GRM5: variants seen among roughly 807,000 people sequenced by gnomAD.
GRM5 encodes the protein metabotropic glutamate receptor 5.
Under a neutral mutation model 83.1 loss-of-function variants are expected in GRM5, and 19 were observed. The observed-to-expected ratio is 0.23, with a 90% CI of 0.16 to 0.34. GRM5 has a LOEUF of 0.34. Among genes scored for constraint, GRM5 ranks in the 10% least tolerant of loss-of-function variants. The probability of loss-of-function intolerance (pLI) is 1.00; values close to 1 mark genes in which losing one functional copy is unlikely to be tolerated. For synonymous variants in GRM5, 675 were observed against 633.6 expected (o/e 1.07, Z -0.98); for missense variants, 1,160 against 1,588.3 (o/e 0.73, Z 4.58).
At chr11:88,724,363 T>C (rs1005193706) in intron 3 of GRM5, among the ~76,000 whole-genome samples, 3 of 152,178 alleles carry the variant, frequency 2.0e-5, no homozygotes, top group African/African-American at 7.2e-5. Flanking sequence ...GCTTACACTG[T>C]GTCCTAAAGT....
At chr11:88,983,804 C>A (rs1019294031) in intron 2 of GRM5, among the ~76,000 whole-genome samples, 1 of 151,904 alleles carries the variant, frequency 6.6e-6, no homozygotes, top group African/African-American at 2.4e-5. Context: ...GGAGGTAATG[C>A]CCCCATGCAC....
intron 4 of GRM5, among the ~76,000 whole-genome samples, chr11:88,635,249 C>T (rs550759697): frequency 2.6e-4 from 39 of 152,258 alleles, no homozygotes; most frequent in African/African-American, 8.9e-4. Context: ...AAACTCCATC[C>T]TATTTTCCAT....
At chr11:88,838,756 A>G (rs1944139130) in intron 3 of GRM5, among the ~76,000 whole-genome samples, 1 of 152,146 alleles carries the variant, frequency 6.6e-6, no homozygotes, top group African/African-American at 2.4e-5. Flanking sequence ...TTTATAACAG[A>G]TGGAGTAATA....
At chr11:89,001,812 A>G (rs1940391645) in intron 2 of GRM5, among the ~76,000 whole-genome samples, 1 of 152,200 alleles carries the variant, frequency 6.6e-6, no homozygotes, top group African/African-American at 2.4e-5. Flanking sequence ...AACCTGGCTT[A>G]TTAAAAATGT....
At chr11:88,865,926 T>C (rs556038443) in intron 2 of GRM5, among the ~76,000 whole-genome samples, 2 of 152,144 alleles carry the variant, frequency 1.3e-5, no homozygotes, top group East Asian at 3.9e-4. Context: ...GGAGAGGATG[T>C]GGAGAAATAG....
intron 8 of GRM5, among the ~76,000 whole-genome samples, chr11:88,559,111 AT>A (rs1565338380): frequency 6.6e-6 from 1 of 152,196 alleles, no homozygotes; most frequent in Non-Finnish European, 1.5e-5. Context: ...CTATACAAAT[AT>A]TTGAAAATCA....
chr11:88,647,294 G>T (rs932502036), intron 4 of GRM5, among the ~76,000 whole-genome samples: 1 of 152,014 alleles, frequency 6.6e-6, no homozygotes. Context: ...GACATGAATT[G>T]AGGAAAAGGT....
chr11:88,989,576 C>A lies in GRM5; in HGVS notation c.661+57636G>T, dbSNP rs574234094. On this transcript the variant is annotated intron_variant, in intron 2 of 9. Transcript: ENST00000305447. ...AATATACATTTTTTTCAGCACCACA[C>A]CACACCTATTCCAAAATTGACCACA... is the stretch of plus-strand genomic sequence containing the variant. Among the ~76,000 whole-genome samples, 699 of 137,794 alleles carry A rather than the reference C, an allele frequency of 5.1e-3. 9 individuals are homozygous for A. Among genetic ancestry groups the A allele is most frequent in the African/African-American group, 0.019 (656 of 34,956 alleles). 90.4% of individuals were successfully genotyped at this position (137,794 alleles called of 152,430 possible).
intron 3 of GRM5, among the ~76,000 whole-genome samples, chr11:88,816,695 A>T (rs181148254): frequency 5.1e-4 from 77 of 149,806 alleles, no homozygotes; most frequent in Non-Finnish European, 9.5e-4. Context: ...CAAAAAAGCT[A>T]GTTATTTGAG....
intron 3 of GRM5, among the ~76,000 whole-genome samples, chr11:88,705,981 T>A (rs1047819800): frequency 6.6e-6 from 1 of 152,036 alleles, no homozygotes; most frequent in Non-Finnish European, 1.5e-5. Context: ...ACCCTAAGTG[T>A]TAGATTATCA....
At chr11:88,534,899 A>G (rs1942099697) in intron 8 of GRM5, among the ~76,000 whole-genome samples, 1 of 152,170 alleles carries the variant, frequency 6.6e-6, no homozygotes, top group African/African-American at 2.4e-5. Context: ...AAGTCTCACA[A>G]GAGCTGATGG....
intron 2 of GRM5, among the ~76,000 whole-genome samples, chr11:88,862,927 C>A (rs570444188): frequency 6.6e-6 from 1 of 152,140 alleles, no homozygotes; most frequent in Admixed American, 6.6e-5. Flanking sequence ...AAGAAAAAAA[C>A]AACCCTATTA....
chr11:88,888,004 C>G (rs1051895235), intron 2 of GRM5, among the ~76,000 whole-genome samples: 1 of 152,062 alleles, frequency 6.6e-6, no homozygotes, highest in African/African-American at 2.4e-5. Flanking sequence ...CTGCCTTAAC[C>G]GGGGCCACCT....
intron 2 of GRM5, among the ~76,000 whole-genome samples, chr11:88,891,017 G>A (rs1189224246): frequency 2.0e-5 from 3 of 152,094 alleles, no homozygotes; most frequent in African/African-American, 7.2e-5. Flanking sequence ...GTTTAAGCAT[G>A]TTGTGGAAAG....
At chr11:88,855,135 T>C (rs994251651) in intron 2 of GRM5, among the ~76,000 whole-genome samples, 5 of 151,928 alleles carry the variant, frequency 3.3e-5, no homozygotes, top group African/African-American at 9.7e-5. Context: ...ATAGTAAAGA[T>C]ACAAGTAATT....
Position 89,001,244 on chromosome 11 carries a change from T to C in GRM5, c.661+45968A>G, listed in dbSNP as rs187386711. 3.1e-3 allele frequency among the ~76,000 whole-genome samples: 464 copies of C among 152,080 alleles called. 4 individuals carry two copies. Among genetic ancestry groups the C allele is most frequent in the Non-Finnish European group, 8.7e-4 (59 of 67,946 alleles). ...CATTTATCCTAGAGAAATGAAAACT[T>C]CTGCTTGCACACACAAAAAGTGCTA... On this transcript the variant is annotated intron_variant, in intron 2 of 9. Coordinates refer to ENST00000305447, the MANE Select transcript of GRM5 (RefSeq NM_001143831.3).
rs868017578 is a variant in GRM5 at position 88,618,146 on chromosome 11, G to A, written c.1148-13182C>T. 8.5e-5 allele frequency among the ~76,000 whole-genome samples: 13 copies of A among 152,162 alleles called. No individual in the cohort carries two copies. In the East Asian group the frequency reaches 1.5e-3, roughly 18 times the overall value. The stretch of plus-strand genomic sequence containing the variant: ...GCTTTGAAAACTGACAGTTGGAGGC[G>A]CAGCCTAAGAAGGTAAGTGGGAACT... On this transcript the variant is annotated intron_variant, in intron 4 of 9. Transcript: ENST00000305447.
rs191351332 is a variant in GRM5 at position 88,991,100 on chromosome 11, G to A, written c.661+56112C>T. Among the ~76,000 whole-genome samples, 496 of 152,134 alleles carry A rather than the reference G, an allele frequency of 3.3e-3. 8 individuals are homozygous for A. The highest frequency in any genetic ancestry group is 0.026 in the Admixed American group (396 of 15,290). On this transcript the variant is annotated intron_variant, in intron 2 of 9. Coordinates refer to ENST00000305447, the MANE Select transcript of GRM5 (RefSeq NM_001143831.3). ...CCCTCTTTGCAGACGACATGATTGT[G>A]TATCTAGACAACCCCATTGTCTCAG...
chr11:88,819,637 T>C (rs1420095063), intron 3 of GRM5, among the ~76,000 whole-genome samples: 3 of 152,232 alleles, frequency 2.0e-5, no homozygotes, highest in African/African-American at 7.2e-5. Context: ...AAATCATCTT[T>C]AGCAAATATT....
Sources: allele counts gnomAD v4.1 joint callset (sites outside exome capture counted in the v4.1 genomes callset), GRCh38; gene constraint gnomAD v4.1.1; transcripts MANE v1.5; gene names NCBI Gene and HGNC (gene_info 2026-07-23, HGNC 2026-07-21).